Variants in ZNF578 observed in about 807,000 individuals in gnomAD.
The protein encoded by ZNF578 is zinc finger protein 578.
ZNF578 carries 8 observed loss-of-function variants against 8.3 expected under a neutral mutation model. That is an observed-to-expected ratio of 0.96 (90% confidence interval 0.56 to 1.74). The LOEUF (loss-of-function observed/expected upper bound fraction) is 1.74, where lower values mean the gene tolerates loss of function less well. ZNF578 is among the 40% of genes most tolerant of loss of function. The pLI is 0.00. For synonymous variants in ZNF578, 206 were observed against 232.2 expected (o/e 0.89, Z 1.03); for missense variants, 726 against 707.5 (o/e 1.03, Z -0.30).
chr19:52,458,644 G>A (rs2059247133), intron 2 of ZNF578: 1 of 151,268 alleles, frequency 6.6e-6, no homozygotes, highest in Non-Finnish European at 1.5e-5. Context: ...AATTTCTGTG[G>A]TTTTTATTTC....
At chr19:52,475,514 G>A (rs891491543) in intron 2 of ZNF578, among the ~76,000 whole-genome samples, 5 of 151,906 alleles carry the variant, frequency 3.3e-5, no homozygotes, top group African/African-American at 1.2e-4. Context: ...CAGCCACCAC[G>A]CCCAGCTAAT....
At chr19:52,469,200 G>C (rs1167385189) in intron 2 of ZNF578, among the ~76,000 whole-genome samples, 1 of 89,136 alleles carries the variant, frequency 1.1e-5, no homozygotes, top group African/African-American at 4.1e-5. Flanking sequence ...TCACTCTTTT[G>C]CCCAGGCTGG....
At chr19:52,496,144 G>A (rs2059385428) in intron 3 of ZNF578, among the ~76,000 whole-genome samples, 1 of 148,956 alleles carries the variant, frequency 6.7e-6, no homozygotes, top group Admixed American at 6.7e-5. Context: ...TCAGCCTCCC[G>A]AGCAGCTGGG....
At chr19:52,466,710 A>G (rs2059276298) in intron 2 of ZNF578, among the ~76,000 whole-genome samples, 1 of 151,998 alleles carries the variant, frequency 6.6e-6, no homozygotes, top group African/African-American at 2.4e-5. Flanking sequence ...GTGTATATGT[A>G]TGTCTACATG....
chr19:52,486,343 C>CA (rs1377684185), intron 2 of ZNF578, among the ~76,000 whole-genome samples: 1 of 152,190 alleles, frequency 6.6e-6, no homozygotes, highest in African/African-American at 2.4e-5. Context: ...TGAGGGAACT[C>CA]AGAGACCAGT....
chr19:52,492,412 C>T (rs1392529801), intron 3 of ZNF578, among the ~76,000 whole-genome samples: 3 of 152,126 alleles, frequency 2.0e-5, no homozygotes. Flanking sequence ...AGGCGGAGGC[C>T]CTAGGGAAGT....
At chr19:52,492,004 C>A (rs1326458441) in intron 3 of ZNF578, among the ~76,000 whole-genome samples, 2 of 151,134 alleles carry the variant, frequency 1.3e-5, no homozygotes, top group Non-Finnish European at 3.0e-5. Flanking sequence ...GCTAAAAATA[C>A]AAAAAATTAG....
chr19:52,471,506 C>T (rs2059291668), intron 2 of ZNF578, among the ~76,000 whole-genome samples: 1 of 152,136 alleles, frequency 6.6e-6, no homozygotes, highest in Non-Finnish European at 1.5e-5. Flanking sequence ...CCCATCTTGT[C>T]AAGCTGATAA....
At chr19:52,459,502 A>G (rs1184567935) in intron 2 of ZNF578, among the ~76,000 whole-genome samples, 1 of 151,496 alleles carries the variant, frequency 6.6e-6, no homozygotes, top group Non-Finnish European at 1.5e-5. Flanking sequence ...TCATCTGTAG[A>G]TAGGCATGTT....
chr19:52,471,272 C>T (rs1741392050), intron 2 of ZNF578, among the ~76,000 whole-genome samples: 1 of 152,160 alleles, frequency 6.6e-6, no homozygotes, highest in South Asian at 2.1e-4. Context: ...GTTGGCTTCC[C>T]TGGTTCAGAG....
intron 2 of ZNF578, among the ~76,000 whole-genome samples, chr19:52,488,100 C>T (rs2059352060): frequency 1.3e-5 from 2 of 151,974 alleles, no homozygotes; most frequent in Non-Finnish European, 2.9e-5. Flanking sequence ...TACAGGCTTG[C>T]ACCACCCCAC....
intron 2 of ZNF578, among the ~76,000 whole-genome samples, chr19:52,480,301 C>T (rs766388169): frequency 6.6e-6 from 1 of 152,148 alleles, no homozygotes; most frequent in African/African-American, 2.4e-5. Flanking sequence ...TAACCAGTTT[C>T]TCTTCTTTCT....
intron 1 of ZNF578, chr19:52,455,450 C>T (rs1456693608): frequency 6.6e-6 from 1 of 152,340 alleles, no homozygotes; most frequent in Non-Finnish European, 1.5e-5. Flanking sequence ...CCACCTCGGC[C>T]TCCCAAAGTG....
At chr19:52,487,972 G>C (rs1365677775) in intron 2 of ZNF578, among the ~76,000 whole-genome samples, 1 of 124,990 alleles carries the variant, frequency 8.0e-6, no homozygotes, top group Non-Finnish European at 1.7e-5. Flanking sequence ...TTTTTTTTTT[G>C]AGAGGGAGTT....
intron 2 of ZNF578, among the ~76,000 whole-genome samples, chr19:52,476,936 G>T: frequency 6.6e-6 from 1 of 152,178 alleles, no homozygotes. Context: ...ATGTAGTTGT[G>T]CTCCCAAACC....
intron 2 of ZNF578, among the ~76,000 whole-genome samples, chr19:52,464,138 T>C (rs1373628121): frequency 6.6e-6 from 1 of 152,200 alleles, no homozygotes; most frequent in Non-Finnish European, 1.5e-5. Context: ...GTAAGTGTTT[T>C]TATGGTATTA....
At chr19:52,498,319 G>A (rs1277649189) in intron 3 of ZNF578, among the ~76,000 whole-genome samples, 2 of 134,254 alleles carry the variant, frequency 1.5e-5, no homozygotes, top group Non-Finnish European at 3.1e-5. Context: ...ACCACGCCTG[G>A]CTAATGTGTG....
chr19:52,482,831 G>A (rs1008285584), intron 2 of ZNF578, among the ~76,000 whole-genome samples: 2 of 151,308 alleles, frequency 1.3e-5, no homozygotes, highest in Non-Finnish European at 2.9e-5. Flanking sequence ...CAGCTACTTC[G>A]GAGGCTGAGG....
Position 52,511,287 on chromosome 19 carries a change from G to A in ZNF578, c.906G>A (p.Leu302=). ...AGTCCTTCAGTTACAAGTCATCCCT[G>A]ACATGCCATCGTAGATGTCACACTG... ...CGKSFSYKSS[L]TCHRRCHTGE... The change falls in exon 6 of 6, where the codon CTG becomes CTA. Residue 302 remains leucine, a synonymous_variant. Coordinates refer to ENST00000421239, the MANE Select transcript of ZNF578 (RefSeq NM_001099694.2). 7 of 1,607,540 alleles carry A rather than the reference G, an allele frequency of 4.4e-6. No individual in the cohort carries two copies. Among genetic ancestry groups the A allele is most frequent in the Non-Finnish European group, 5.9e-6 (7 of 1,177,644 alleles).
Sources: gnomAD v4.1 joint callset for allele counts (sites outside exome capture counted in the v4.1 genomes callset) on GRCh38, gnomAD v4.1.1 for gene constraint, MANE v1.5 for transcripts, NCBI Gene and HGNC (gene_info 2026-07-23, HGNC 2026-07-21) for gene names.